The following CUBN variants were observed in gnomAD, a reference collection of about 807,000 sequenced individuals.
CUBN encodes the protein 460 kDa receptor.
A neutral mutation model predicts 405.3 loss-of-function variants in CUBN; 282 were observed. The ratio of observed to expected loss-of-function variants is 0.70; its 90% CI spans 0.63 to 0.77. CUBN has a LOEUF of 0.77. Ranked by LOEUF, CUBN falls within the 30% of genes least tolerant of loss-of-function variation. CUBN has a pLI of 0.00. For synonymous variants in CUBN, 1,684 were observed against 1,617.0 expected (o/e 1.04, Z -0.99); for missense variants, 4,514 against 4,475.2 (o/e 1.01, Z -0.25).
Position 16,903,983 on chromosome 10 carries a change from G to T in CUBN, c.8045C>A (p.Ala2682Glu), listed in dbSNP as rs1443719557. Residue 2682 changes from alanine (A) to glutamate (E), a missense_variant, in exon 51 of 67, where the codon GCA becomes GAA. Around this residue, in one of 5 missense-constraint regions of CUBN, gnomAD observed 1,186 missense variants for 1,186.9 expected, o/e 1.00. Transcript: ENST00000377833. ...ATTCTTACCTGTAAAGGAATACTTTGCATGGAATCCAATGTGTTCTACACG... is the reference window on the plus strand; with the variant it reads ...ATTCTTACCTGTAAAGGAATACTTTTCATGGAATCCAATGTGTTCTACACG... ...NERVEHIGFH[A>E]KYSFTDCGGI... 1 of 1,610,178 alleles carries T rather than the reference G, an allele frequency of 6.2e-7. No homozygotes were observed. The highest frequency in any genetic ancestry group is 8.5e-7 in the Non-Finnish European group (1 of 1,177,050).
At chr10:17,068,578 G>GA (rs746874227) in intron 20 of CUBN, 27 bp downstream of exon 20, 13,296 of 1,196,528 alleles carry the variant, frequency 0.011, 1 homozygote, top group Non-Finnish European at 0.013. Context: ...CCAAGAGGAG[G>GA]AAAAAAAAAA....
intron 14 of CUBN, among the ~76,000 whole-genome samples, chr10:17,089,103 G>C (rs761218571): frequency 6.6e-6 from 1 of 152,146 alleles, no homozygotes; most frequent in African/African-American, 2.4e-5. Flanking sequence ...AATCCAGACT[G>C]TAGTAATACA....
intron 31 of CUBN, among the ~76,000 whole-genome samples, chr10:16,961,775 G>A (rs541681353): frequency 1.6e-4 from 21 of 129,074 alleles, no homozygotes; most frequent in African/African-American, 5.4e-4. Flanking sequence ...GCAGTGGCGG[G>A]ATCTCGACTC....
chr10:16,976,648 A>G (rs1833105623), intron 31 of CUBN, among the ~76,000 whole-genome samples: 1 of 151,658 alleles, frequency 6.6e-6, no homozygotes, highest in Non-Finnish European at 1.5e-5. Flanking sequence ...TGTTCCATAT[A>G]TCTCTCTTTT....
chr10:16,829,971 C>T (rs1310007992), intron 65 of CUBN, among the ~76,000 whole-genome samples: 2 of 150,200 alleles, frequency 1.3e-5, no homozygotes, highest in South Asian at 2.1e-4. Flanking sequence ...AGTCTTGCTC[C>T]GTCACCCAGG....
In CUBN at chr10:17,104,539, T is replaced by A; in HGVS notation, c.1297A>T (p.Ile433Phe). 6.2e-7 allele frequency: 1 copy of A among 1,613,868 alleles called. No individual in the cohort carries two copies. Residue 433 changes from isoleucine (I) to phenylalanine (F), a missense_variant, in exon 12 of 67, where the codon ATC becomes TTC. Transcript: ENST00000377833. ...GWTGVNCTEN[I>F]NECLSNPCLN... is the part of the protein sequence containing the mutation. The stretch of plus-strand genomic sequence containing the variant: ...CAGGGGTTGCTCAAACACTCATTGA[T>A]GTTTTCTGTACAGTTGACACCTGTC...
At position 16,940,108 on chromosome 10, in the gene CUBN, A is replaced by T. The variant is rs1214424435; in HGVS notation, c.5472T>A (p.Val1824=). Residue 1824 remains valine, a synonymous_variant, in exon 37 of 67, where the codon GTT becomes GTA. Transcript: ENST00000377833. ...TAAATCTGACCCACAGGGTATGTCC[A>T]ACGATGGAAGAATAATTGAGAGGGA... ...NSFPLNYSSI[V]GHTLWVRFIS... is the part of the protein sequence containing the mutation. 6.2e-7 allele frequency: 1 copy of T among 1,614,166 alleles called. No homozygotes were observed. Among genetic ancestry groups the T allele is most frequent in the Non-Finnish European group, 8.5e-7 (1 of 1,179,994 alleles).
rs1267200918 is a variant in CUBN at position 16,877,044 on chromosome 10, C to A, written c.8959G>T (p.Gly2987Cys). 6.2e-7 allele frequency: 1 copy of A among 1,614,042 alleles called. No individual in the cohort carries two copies. Among genetic ancestry groups the A allele is most frequent in the South Asian group, 1.1e-5 (1 of 91,084 alleles). Residue 2987 changes from glycine to cysteine, a missense_variant, in exon 57 of 67, where the codon GGT becomes TGT. Physicochemically the swap from Gly to Cys is radical, Grantham distance 159. Coordinates refer to ENST00000377833, the MANE Select transcript of CUBN (RefSeq NM_001081.4). ...AATGGGGTGGACATGACGCTGTAACCTCTGATAATGTGCACGCCATCGTTG... is the reference window on the plus strand; with the variant it reads ...AATGGGGTGGACATGACGCTGTAACATCTGATAATGTGCACGCCATCGTTG... ...CVNDGVHIIRGYSVMSTPFAT... is the reference protein window; with the variant it reads ...CVNDGVHIIRCYSVMSTPFAT...
intron 39 of CUBN, among the ~76,000 whole-genome samples, chr10:16,934,119 A>C (rs1429780150): frequency 6.6e-6 from 1 of 152,214 alleles, no homozygotes; most frequent in East Asian, 1.9e-4. Context: ...TACTGTGGTC[A>C]TGAGGCTACT....
chr10:16,845,233 G>T (rs1277382721), intron 60 of CUBN, among the ~76,000 whole-genome samples: 2 of 152,180 alleles, frequency 1.3e-5, no homozygotes, highest in Admixed American at 1.3e-4. Context: ...AATAGACTTT[G>T]ATATTGGACT....
At chr10:16,883,696 AT>A (rs1840727750) in intron 56 of CUBN, among the ~76,000 whole-genome samples, 1 of 152,186 alleles carries the variant, frequency 6.6e-6, no homozygotes, top group African/African-American at 2.4e-5. Context: ...ATCCAAGAGA[AT>A]TTAGGCAAAT....
chr10:16,871,388 A>G (rs181208848), intron 58 of CUBN, among the ~76,000 whole-genome samples: 89 of 150,394 alleles, frequency 5.9e-4, no homozygotes, highest in African/African-American at 2.1e-3. Context: ...AATCCATAAT[A>G]TGGAATAATT....
chr10:16,971,555 C>T (rs1395829999), intron 31 of CUBN, among the ~76,000 whole-genome samples: 1 of 152,060 alleles, frequency 6.6e-6, no homozygotes, highest in African/African-American at 2.4e-5. Flanking sequence ...TATAAATCAT[C>T]CAAGAAAAAA....
chr10:17,122,883 C>T lies in CUBN; in HGVS notation c.505G>A (p.Ala169Thr). 6.2e-7 allele frequency: 1 copy of T among 1,613,692 alleles called. No individual in the cohort carries two copies. The highest frequency in any genetic ancestry group is 8.5e-7 in the Non-Finnish European group (1 of 1,179,720). ...PPQWKGPLCS[A>T]DVNECEIYSG... The stretch of plus-strand genomic sequence containing the variant: ...TAAATCTCACATTCGTTAACATCAG[C>T]TGAGCAGAGAGGACCCTGTGATCAT... The change falls in exon 6 of 67, where the codon GCT (alanine) becomes ACT (threonine). Residue 169 changes from alanine (A) to threonine (T), a missense_variant. Around this residue, in one of 5 missense-constraint regions of CUBN, gnomAD observed 1,448 missense variants for 1,388.0 expected, o/e 1.04. Transcript: ENST00000377833.
chr10:17,047,804 C>G (rs1310117502), intron 22 of CUBN, among the ~76,000 whole-genome samples: 2 of 151,984 alleles, frequency 1.3e-5, no homozygotes, highest in African/African-American at 4.8e-5. Flanking sequence ...TAAATCTAAG[C>G]TATGGAGAGG....
chr10:16,890,671 T>A (rs1840979314), intron 54 of CUBN, 144 bp from the exon 55 acceptor site: 1 of 852,608 alleles, frequency 1.2e-6, no homozygotes, highest in Non-Finnish European at 1.9e-6. Flanking sequence ...TGTAGTATTT[T>A]CTTTTGAGAA....
Position 17,103,159 on chromosome 10 carries a change from T to A in CUBN, c.1496A>T (p.Asn499Ile). Residue 499 changes from asparagine to isoleucine, a missense_variant, in exon 13 of 67, where the codon AAC becomes ATC. By Grantham distance (149) the Asn-to-Ile change is moderately radical (BLOSUM62 -3). Around this residue, in one of 5 missense-constraint regions of CUBN, gnomAD observed 1,448 missense variants for 1,388.0 expected, o/e 1.04. Transcript: ENST00000377833. ...TTCAGTTTTGATAACCCAGAAGCAG[T>A]TAACATCATGAACATAACCAACATC... The part of the protein sequence containing the change: ...SPDVGYVHDV[N>I]CFWVIKTEMG... 6.2e-7 allele frequency: 1 copy of A among 1,613,750 alleles called. No homozygotes were observed.
At chr10:16,968,380 C>G (rs1261743175) in intron 31 of CUBN, among the ~76,000 whole-genome samples, 3 of 151,958 alleles carry the variant, frequency 2.0e-5, no homozygotes, top group African/African-American at 7.3e-5. Context: ...TAGATAGCCA[C>G]AAAAAGCTTC....
At chr10:16,919,166 AAG>A (rs2131465873) in intron 44 of CUBN, among the ~76,000 whole-genome samples, 1 of 152,368 alleles carries the variant, frequency 6.6e-6, no homozygotes, top group East Asian at 1.9e-4. Context: ...TCACAGGACA[AAG>A]ATAAATTCTC....
Sources: allele counts gnomAD v4.1 joint callset (sites outside exome capture counted in the v4.1 genomes callset), GRCh38; gene constraint gnomAD v4.1.1; regional missense constraint gnomAD v4.1.1; transcripts MANE v1.5; gene names NCBI Gene and HGNC (gene_info 2026-07-23, HGNC 2026-07-21).